TBC1D5: variants seen among roughly 807,000 people sequenced by gnomAD.
The protein encoded by TBC1D5 is TBC1 domain family, member 5.
In TBC1D5, 75 loss-of-function variants were observed where a neutral mutation model predicts 100.3. That is an observed-to-expected ratio of 0.75 (90% CI 0.62 to 0.91). TBC1D5 has a LOEUF of 0.91. Ranked by LOEUF, TBC1D5 falls within the 40% of genes least tolerant of loss-of-function variation. TBC1D5 has a pLI of 0.00. For synonymous variants in TBC1D5, 323 were observed against 325.6 expected, an observed-to-expected ratio of 0.99 and a Z score of 0.09; for missense variants, 910 against 942.4, an observed-to-expected ratio of 0.97 and a Z score of 0.45.
chr3:17,724,438 G>C (rs1470845848), intron 1 of TBC1D5, among the ~76,000 whole-genome samples: 2 of 152,072 alleles, frequency 1.3e-5, no homozygotes, highest in Admixed American at 1.3e-4. Context: ...TATCACTCCA[G>C]TGTTTCCTGG....
At chr3:17,552,735 G>C (rs1483412152) in intron 2 of TBC1D5, among the ~76,000 whole-genome samples, 2 of 152,030 alleles carry the variant, frequency 1.3e-5, no homozygotes, top group African/African-American at 4.8e-5. Context: ...TTTTAGACTG[G>C]GTATTCAGAT....
intron 1 of TBC1D5, among the ~76,000 whole-genome samples, chr3:17,632,869 A>G (rs1366551871): frequency 6.6e-6 from 1 of 152,108 alleles, no homozygotes; most frequent in Non-Finnish European, 1.5e-5. Context: ...AATTCATGTG[A>G]CTCACTTTAT....
intron 1 of TBC1D5, among the ~76,000 whole-genome samples, chr3:17,690,643 A>C (rs2071009752): frequency 6.6e-6 from 1 of 152,226 alleles, no homozygotes; most frequent in Non-Finnish European, 1.5e-5. Context: ...GCCTCCTGTC[A>C]GAACAGCAGT....
intron 8 of TBC1D5, among the ~76,000 whole-genome samples, chr3:17,401,803 A>G (rs1363159937): frequency 6.9e-6 from 1 of 145,544 alleles, no homozygotes; most frequent in Non-Finnish European, 1.5e-5. Context: ...TTAACAATAT[A>G]TACTGCACAT....
intron 14 of TBC1D5, 119 bp from the exon 15 acceptor site, chr3:17,292,120 T>A: frequency 1.2e-6 from 1 of 823,508 alleles, no homozygotes. Context: ...TCAACTGATT[T>A]GATAAAAGGG....
At chr3:17,702,495 T>TA (rs2073352798) in intron 1 of TBC1D5, 2 of 151,974 alleles carry the variant, frequency 1.3e-5, no homozygotes, top group Non-Finnish European at 2.9e-5. Context: ...TGAACGGCAT[T>TA]AAAAAATACA....
intron 2 of TBC1D5, among the ~76,000 whole-genome samples, chr3:17,532,927 G>A (rs1045099883): frequency 3.9e-5 from 6 of 151,908 alleles, no homozygotes; most frequent in Admixed American, 6.6e-5. Flanking sequence ...CATGGCACAT[G>A]TATACATATG....
chr3:17,201,247 GA>G (rs1028926005), intron 18 of TBC1D5, among the ~76,000 whole-genome samples: 1 of 151,682 alleles, frequency 6.6e-6, no homozygotes, highest in Non-Finnish European at 1.5e-5. Context: ...TTTGGAGAGT[GA>G]AAAAAAACAC....
At chr3:17,543,851 C>T (rs1027703807) in intron 2 of TBC1D5, among the ~76,000 whole-genome samples, 1 of 151,664 alleles carries the variant, frequency 6.6e-6, no homozygotes, top group African/African-American at 2.4e-5. Flanking sequence ...TTAAATGGGG[C>T]CTGAAAAGTT....
rs138760726 is a variant in TBC1D5 at position 17,498,707 on chromosome 3, T to C, written c.97+9767A>G. Among the ~76,000 whole-genome samples, 5 of 152,308 alleles carry C rather than the reference T, an allele frequency of 3.3e-5. No homozygotes were observed. In the East Asian group the frequency reaches 7.7e-4, roughly 23 times the overall value. On this transcript the variant is annotated intron_variant, in intron 3 of 21. Coordinates refer to ENST00000253692, the Ensembl canonical transcript of TBC1D5. ...TACTGTGCTTGCTATTCAAAAAGAC[T>C]GTAGTAACACATAATAATTTTTTAA...
At chr3:17,326,371 T>C (rs1031167912) in intron 13 of TBC1D5, among the ~76,000 whole-genome samples, 24 of 152,214 alleles carry the variant, frequency 1.6e-4, no homozygotes, top group Admixed American at 1.5e-3. Context: ...TTCCATTCAT[T>C]CTGATAAGCT....
At chr3:17,540,691 G>T (rs1022638527) in intron 2 of TBC1D5, among the ~76,000 whole-genome samples, 2 of 151,738 alleles carry the variant, frequency 1.3e-5, no homozygotes. Context: ...GGCAGATCAC[G>T]AGGTCAAGAG....
chr3:17,484,990 ATTAT>A (rs1559991843), intron 3 of TBC1D5, among the ~76,000 whole-genome samples: 2 of 152,180 alleles, frequency 1.3e-5, no homozygotes, highest in Non-Finnish European at 2.9e-5. Flanking sequence ...GGACAACACT[ATTAT>A]TTAACAGAGA....
At chr3:17,232,683 T>C (rs1160436717) in intron 17 of TBC1D5, among the ~76,000 whole-genome samples, 1 of 152,156 alleles carries the variant, frequency 6.6e-6, no homozygotes, top group Non-Finnish European at 1.5e-5. Flanking sequence ...CTTACTCCTC[T>C]ATTGCCACAA....
At chr3:17,382,301 G>A (rs533478013) in intron 9 of TBC1D5, among the ~76,000 whole-genome samples, 2 of 151,798 alleles carry the variant, frequency 1.3e-5, no homozygotes. Context: ...GGTGAGATTC[G>A]AACAAAGGAA....
intron 1 of TBC1D5, among the ~76,000 whole-genome samples, chr3:17,644,620 C>T (rs999256286): frequency 6.6e-6 from 1 of 152,116 alleles, no homozygotes. Context: ...AAAAACTACA[C>T]ATTTTAATTA....
At chr3:17,541,577 A>G (rs564707157) in intron 2 of TBC1D5, among the ~76,000 whole-genome samples, 1 of 152,284 alleles carries the variant, frequency 6.6e-6, no homozygotes, top group African/African-American at 2.4e-5. Context: ...CACTAGGTTT[A>G]ACACATTTTG....
chr3:17,290,477 C>A (rs1045974562), intron 15 of TBC1D5, among the ~76,000 whole-genome samples: 4 of 152,132 alleles, frequency 2.6e-5, no homozygotes, highest in African/African-American at 7.2e-5. Context: ...TCAATTAAAA[C>A]AAATCATGCA....
At chr3:17,392,844 T>C (rs545040727) in intron 8 of TBC1D5, among the ~76,000 whole-genome samples, 5 of 152,318 alleles carry the variant, frequency 3.3e-5, no homozygotes, top group Middle Eastern at 3.4e-3. Context: ...TGTGTCTTTA[T>C]AGTAGAATGA....
Sources: gnomAD v4.1 joint callset for allele counts (sites outside exome capture counted in the v4.1 genomes callset) on GRCh38, gnomAD v4.1.1 for gene constraint, MANE v1.5 for transcripts, NCBI Gene and HGNC (gene_info 2026-07-23, HGNC 2026-07-21) for gene names.